KDM4C: variants seen among roughly 807,000 people sequenced by gnomAD.
The protein encoded by KDM4C is lysine-specific demethylase 4C.
KDM4C carries 81 observed loss-of-function variants against 129.3 expected under a neutral mutation model. That is an observed-to-expected ratio of 0.63 (90% CI 0.52 to 0.75). The LOEUF is 0.75. Ranked by LOEUF, KDM4C falls within the 30% of genes least tolerant of loss-of-function variation. The pLI is 0.00. For synonymous variants in KDM4C, 573 were observed against 456.1 expected (o/e 1.26, Z -3.26); for missense variants, 1,457 against 1,304.0 (o/e 1.12, Z -1.81).
At chr9:7,174,318 A>T (rs1193909426) in intron 21 of KDM4C, among the ~76,000 whole-genome samples, 3 of 152,112 alleles carry the variant, frequency 2.0e-5, no homozygotes, top group Non-Finnish European at 4.4e-5. Context: ...TGTTTGGGGA[A>T]GGTCCCTGGG....
intron 5 of KDM4C, among the ~76,000 whole-genome samples, chr9:6,864,683 G>C (rs567957296): frequency 6.6e-6 from 1 of 151,502 alleles, no homozygotes; most frequent in Admixed American, 6.6e-5. Flanking sequence ...TCTAGTTTTG[G>C]AAAGTTTTCT....
chr9:6,997,800 C>T (rs779680810), intron 12 of KDM4C, among the ~76,000 whole-genome samples: 6 of 152,136 alleles, frequency 3.9e-5, no homozygotes, highest in Non-Finnish European at 5.9e-5. Flanking sequence ...TTTTGAATCC[C>T]CTGAAATAGC....
At position 6,736,148 on chromosome 9, in the gene KDM4C, G is replaced by A. The variant is rs138344095; in HGVS notation, c.49+15151G>A. Among the ~76,000 whole-genome samples, 1,469 of 152,208 alleles carry A rather than the reference G, an allele frequency of 9.7e-3. 21 individuals are homozygous for A. Among genetic ancestry groups the A allele is most frequent in the African/African-American group, 0.033 (1,374 of 41,534 alleles). On this transcript the variant is annotated intron_variant, in intron 1 of 17. Transcript: ENST00000536108. The stretch of plus-strand genomic sequence containing the variant: ...GAAATTTCCTAGCATGAAAGCATTC[G>A]CGTGGTGACTTGGGTGCTGTTAAAG...
chr9:6,770,102 C>G (rs1821441471), intron 1 of KDM4C, among the ~76,000 whole-genome samples: 1 of 151,954 alleles, frequency 6.6e-6, no homozygotes, highest in Non-Finnish European at 1.5e-5. Flanking sequence ...TCGCTTGATC[C>G]TGGGTGGTGG....
Position 6,943,953 on chromosome 9 carries a change from C to G in KDM4C, c.922-36972C>G, listed in dbSNP as rs150640611. On this transcript the variant is annotated intron_variant, in intron 8 of 21. Coordinates refer to ENST00000381309, the MANE Select transcript of KDM4C (RefSeq NM_015061.6). ...TTGCTGCCAGGAGATCAGTGTCAAA[C>G]TCCAGACAGACTTTTACCTGGATCC... is the stretch of plus-strand genomic sequence containing the variant. Among the ~76,000 whole-genome samples, 623 of 152,272 alleles carry G rather than the reference C, an allele frequency of 4.1e-3. 6 individuals carry two copies. Among genetic ancestry groups the G allele is most frequent in the Middle Eastern group, 0.034 (10 of 292 alleles).
chr9:6,995,340 C>G (rs1281842474), intron 12 of KDM4C, among the ~76,000 whole-genome samples: 2 of 151,862 alleles, frequency 1.3e-5, no homozygotes, highest in Non-Finnish European at 2.9e-5. Flanking sequence ...CACACACAGA[C>G]ACACAGGCAC....
In KDM4C at chr9:6,792,995, G is replaced by A. The variant is rs769568402; in HGVS notation, c.7G>A (p.Val3Met). 3 of 1,614,056 alleles carry A rather than the reference G, an allele frequency of 1.9e-6. No individual in the cohort carries two copies. The highest frequency in any genetic ancestry group is 2.2e-5 in the South Asian group (2 of 91,092). Residue 3 changes from valine to methionine, a missense_variant, in exon 2 of 22, where the codon GTG (valine) becomes ATG (methionine). Coordinates refer to ENST00000381309, the MANE Select transcript of KDM4C (RefSeq NM_015061.6). Reference protein sequence around the residue: MEVAEVESPLNPS... With the variant: MEMAEVESPLNPS... ...AGACACTGCCCTAACCATCATGGAGGTGGCCGAGGTGGAAAGTCCTCTGAA... is the reference window on the plus strand; with the variant it reads ...AGACACTGCCCTAACCATCATGGAGATGGCCGAGGTGGAAAGTCCTCTGAA...
At chr9:6,911,950 T>A (rs1819396505) in intron 8 of KDM4C, among the ~76,000 whole-genome samples, 1 of 152,116 alleles carries the variant, frequency 6.6e-6, no homozygotes, top group Non-Finnish European at 1.5e-5. Flanking sequence ...CTCCCCTACT[T>A]TTGCCCAGGA....
intron 18 of KDM4C, among the ~76,000 whole-genome samples, chr9:7,120,654 C>T (rs1839391527): frequency 6.6e-6 from 1 of 152,084 alleles, no homozygotes; most frequent in South Asian, 2.1e-4. Context: ...AGTAAAAGTG[C>T]AATTTTTTTC....
chr9:6,731,609 G>A (rs1329077618), intron 1 of KDM4C, among the ~76,000 whole-genome samples: 1 of 152,122 alleles, frequency 6.6e-6, no homozygotes, highest in Non-Finnish European at 1.5e-5. Flanking sequence ...TGGGATTACA[G>A]GCATGAGCCA....
intron 18 of KDM4C, among the ~76,000 whole-genome samples, chr9:7,122,051 C>A (rs886260445): frequency 1.3e-5 from 2 of 151,948 alleles, no homozygotes; most frequent in Non-Finnish European, 2.9e-5. Flanking sequence ...TTTCGCATTG[C>A]TATGAAGAAC....
chr9:7,064,542 A>G (rs1303150414), intron 17 of KDM4C, among the ~76,000 whole-genome samples: 2 of 152,210 alleles, frequency 1.3e-5, no homozygotes, highest in Non-Finnish European at 2.9e-5. Flanking sequence ...CAGTCACGTT[A>G]TGGAGCACGA....
chr9:6,930,427 T>G (rs980585152), intron 8 of KDM4C, among the ~76,000 whole-genome samples: 6 of 148,452 alleles, frequency 4.0e-5, no homozygotes, highest in Admixed American at 4.0e-4. Context: ...TTGAATTTAG[T>G]GGCAGTTATT....
intron 2 of KDM4C, among the ~76,000 whole-genome samples, chr9:6,794,969 T>C (rs1827446177): frequency 6.6e-6 from 1 of 152,234 alleles, no homozygotes; most frequent in Admixed American, 6.5e-5. Context: ...AAATTTCCCA[T>C]GGAAGAATAT....
At position 6,805,564 on chromosome 9, in the gene KDM4C, C is replaced by G. The variant is rs752144430; in HGVS notation, c.145-35C>G. The G allele has an allele frequency of 4.9e-5, 73 of 1,475,892 alleles. 1 individual carries two copies. The highest frequency in any genetic ancestry group is 1.6e-4 in the South Asian group (12 of 76,632). 91.4% of individuals were successfully genotyped at this position (1,475,892 alleles called of 1,614,324 possible). On this transcript the variant is annotated intron_variant, in intron 2 of 21. Transcript: ENST00000381309. Reference sequence around the variant, plus strand: ...AAAGCTAAATTACTTGGAGTATTTTCAAGATGATATTTTATTTCATTATTT... The same window carrying G: ...AAAGCTAAATTACTTGGAGTATTTTGAAGATGATATTTTATTTCATTATTT...
intron 4 of KDM4C, among the ~76,000 whole-genome samples, chr9:6,818,597 A>G (rs1832529713): frequency 6.6e-6 from 1 of 152,178 alleles, no homozygotes; most frequent in Non-Finnish European, 1.5e-5. Flanking sequence ...TATTGAAAAC[A>G]TTTGTGTGGG....
chr9:7,144,023 G>A (rs1841999331), intron 19 of KDM4C, among the ~76,000 whole-genome samples: 1 of 151,992 alleles, frequency 6.6e-6, no homozygotes, highest in South Asian at 2.1e-4. Context: ...TTTTTACTGT[G>A]CTCAGGAACA....
chr9:6,994,891 C>T lies in KDM4C; in HGVS notation c.1786+4367C>T, dbSNP rs141409633. 4.5e-3 allele frequency among the ~76,000 whole-genome samples: 689 copies of T among 152,240 alleles called. 5 individuals are homozygous for T. Among genetic ancestry groups the T allele is most frequent in the African/African-American group, 0.016 (661 of 41,532 alleles). The stretch of plus-strand genomic sequence containing the variant: ...ACCACTGTGCCAACTTCTAGAATTA[C>T]CTCAAAGTTAAAATGCAGCTGACCC... On this transcript the variant is annotated intron_variant, in intron 12 of 21. Coordinates refer to ENST00000381309, the MANE Select transcript of KDM4C (RefSeq NM_015061.6).
intron 8 of KDM4C, among the ~76,000 whole-genome samples, chr9:6,957,938 C>T (rs2131574323): frequency 6.6e-6 from 1 of 152,158 alleles, no homozygotes; most frequent in South Asian, 2.1e-4. Flanking sequence ...TTATCGAAAG[C>T]CTGTAGAATC....
Sources: allele counts gnomAD v4.1 joint callset (sites outside exome capture counted in the v4.1 genomes callset), GRCh38; gene constraint gnomAD v4.1.1; transcripts MANE v1.5; gene names NCBI Gene and HGNC (gene_info 2026-07-23, HGNC 2026-07-21).